Variants in ATP2B4 observed in about 807,000 individuals in gnomAD.
The protein encoded by ATP2B4 is plasma membrane calcium-transporting ATPase 4.
ATP2B4 carries 39 observed loss-of-function variants against 110.3 expected under a neutral mutation model. The observed-to-expected ratio is 0.35, with a 90% confidence interval of 0.27 to 0.46. The LOEUF (loss-of-function observed/expected upper bound fraction) is 0.46, where lower values mean the gene tolerates loss of function less well. Ranked by LOEUF, ATP2B4 falls within the 20% of genes least tolerant of loss-of-function variation. The pLI, the probability that ATP2B4 is intolerant of heterozygous loss-of-function variation, is 1.00. For synonymous variants in ATP2B4, 538 were observed against 571.7 expected (o/e 0.94, Z 0.84); for missense variants, 1,135 against 1,530.9 (o/e 0.74, Z 4.32).
intron 1 of ATP2B4, among the ~76,000 whole-genome samples, chr1:203,675,551 A>C (rs1482292223): frequency 6.6e-6 from 1 of 152,190 alleles, no homozygotes; most frequent in Non-Finnish European, 1.5e-5. Flanking sequence ...ACCAAAAAGC[A>C]CCAAGTGATT....
chr1:203,741,714 CT>C lies in ATP2B4; in HGVS notation c.*1861del, dbSNP rs1666999603. 6.6e-6 allele frequency: 1 copy of C among 152,582 alleles called. No homozygotes were observed. The highest frequency in any genetic ancestry group is 1.5e-5 in the Non-Finnish European group (1 of 68,042). The allele number at this position is 152,582 out of a possible 1,614,324, so 9.5% of individuals were successfully genotyped here. A position where few individuals can be genotyped will look rare whatever the true frequency, so the allele number is the denominator to read the frequency against. On this transcript the variant is annotated 3_prime_UTR_variant, in exon 21 of 21. Transcript: ENST00000357681. ...CAATGTCCCCTACATATCCCCATGA[CT>C]ACATAATCCATCATCGTAGGAAATA... is the stretch of plus-strand genomic sequence containing the variant.
intron 1 of ATP2B4, among the ~76,000 whole-genome samples, chr1:203,647,392 C>T (rs955263104): frequency 8.6e-5 from 13 of 151,832 alleles, no homozygotes; most frequent in Non-Finnish European, 1.3e-4. Context: ...GCTCTGATTG[C>T]ACCACTGCGC....
chr1:203,680,573 C>T (rs1469268875), intron 1 of ATP2B4, among the ~76,000 whole-genome samples: 2 of 141,294 alleles, frequency 1.4e-5, no homozygotes, highest in African/African-American at 5.3e-5. Context: ...CGCGCCACTG[C>T]ACTCCAGCCT....
chr1:203,740,464 T>C lies in ATP2B4; in HGVS notation c.*610T>C, dbSNP rs1666976462. 1 of 147,720 alleles carries C rather than the reference T, an allele frequency of 6.8e-6. No individual in the cohort carries two copies. The highest frequency in any genetic ancestry group is 2.5e-5 in the African/African-American group (1 of 39,806). The allele number at this position is 147,720 out of a possible 1,614,324, so 9.2% of individuals were successfully genotyped here. On this transcript the variant is annotated 3_prime_UTR_variant, in exon 21 of 21. Transcript: ENST00000357681. The stretch of plus-strand genomic sequence containing the variant: ...TCCTTTTTTTTTTTTTTTTTTATGA[T>C]GATTAAGAAAATGGAAAGGATATGG...
At chr1:203,677,884 C>A (rs113802094) in intron 1 of ATP2B4, among the ~76,000 whole-genome samples, 2 of 152,382 alleles carry the variant, frequency 1.3e-5, no homozygotes, top group African/African-American at 4.8e-5. Flanking sequence ...GCTGGCACCC[C>A]TGCCAGAGTA....
chr1:203,651,370 A>G (rs1368610959), intron 1 of ATP2B4, among the ~76,000 whole-genome samples: 2 of 151,980 alleles, frequency 1.3e-5, no homozygotes, highest in Non-Finnish European at 2.9e-5. Flanking sequence ...TTATTTATAT[A>G]TGCTATTAAT....
intron 2 of ATP2B4, among the ~76,000 whole-genome samples, chr1:203,683,666 C>CTTTTTTTTTTTTTTTTT (rs11326748): frequency 7.7e-5 from 6 of 77,696 alleles, no homozygotes; most frequent in Non-Finnish European, 1.2e-4. Context: ...TCTTTTGTTT[C>CTTTTTTTTTTTTTTTTT]TTTTTTTTTT....
intron 20 of ATP2B4, chr1:203,729,674 C>G (rs760127768): frequency 7.9e-7 from 1 of 1,270,534 alleles, no homozygotes; most frequent in Non-Finnish European, 1.1e-6. Context: ...CCTCACCTAT[C>G]CAGGGCGATG....
chr1:203,660,097 A>AGAAAGAAAGAAAG (rs764669362), intron 1 of ATP2B4, among the ~76,000 whole-genome samples: 12 of 120,654 alleles, frequency 9.9e-5, no homozygotes, highest in African/African-American at 3.1e-4. Context: ...AAAAAAAAAA[A>AGAAAGAAAGAAAG]AAAGAAAGAA....
chr1:203,660,754 G>A (rs905746491), intron 1 of ATP2B4, among the ~76,000 whole-genome samples: 5 of 151,952 alleles, frequency 3.3e-5, no homozygotes, highest in Non-Finnish European at 4.4e-5. Context: ...AGCCAAGATC[G>A]CACCACTGCA....
At chr1:203,730,644 T>C (rs75291919) in intron 20 of ATP2B4, among the ~76,000 whole-genome samples, 2,233 of 152,330 alleles carry the variant, frequency 0.015, 49 homozygotes, top group African/African-American at 0.05. Flanking sequence ...GGCTGAGATT[T>C]ATGGGTCTTC....
At chr1:203,700,415 ACT>A in intron 5 of ATP2B4, 84 bp downstream of exon 5, 2 of 1,496,896 alleles carry the variant, frequency 1.3e-6, no homozygotes, top group Non-Finnish European at 1.8e-6. Context: ...CTCTCCTCTG[ACT>A]CTGTCCCATC....
intron 1 of ATP2B4, among the ~76,000 whole-genome samples, chr1:203,663,102 T>C (rs1011053148): frequency 1.3e-5 from 2 of 152,176 alleles, no homozygotes; most frequent in South Asian, 4.1e-4. Context: ...TTTTGTTTCC[T>C]GTTTATATTT....
chr1:203,732,702 G>C lies in ATP2B4; in HGVS notation c.3309+5131G>C, dbSNP rs555137932. 7.9e-5 allele frequency among the ~76,000 whole-genome samples: 12 copies of C among 151,876 alleles called. No homozygotes were observed. In the South Asian group the frequency reaches 2.3e-3, roughly 29 times the overall value. ...TAATTTGCCTTCAGAATCTTCAATT[G>C]TTTGCCTTATTTTTAAGAGTACAGG... On this transcript the variant is annotated intron_variant, in intron 20 of 20. Coordinates refer to ENST00000357681, the MANE Select transcript of ATP2B4 (RefSeq NM_001684.5).
At position 203,716,454 on chromosome 1, in the gene ATP2B4, A is replaced by G. The variant is rs1172916336; in HGVS notation, c.2406+2177A>G. ...GCACATACCAAAATTCCAGACTCCC[A>G]AAAGGAAAGCAAATGTTCAATGTAA... On this transcript the variant is annotated intron_variant, in intron 15 of 20. Transcript: ENST00000357681. Among the ~76,000 whole-genome samples the G allele has an allele frequency of 2.8e-5, 4 of 145,292 alleles. 2 individuals are homozygous for G. The East Asian group carries it at 8.3e-4, about 30-fold the overall frequency.
At chr1:203,707,725 C>G (rs2102396324) in intron 9 of ATP2B4, 137 bp from the exon 10 acceptor site, 1 of 1,218,890 alleles carries the variant, frequency 8.2e-7, no homozygotes, top group Non-Finnish European at 1.2e-6. Context: ...ATCACTGCAC[C>G]CAGTCAGTAT....
chr1:203,705,508 C>T (rs893682677), intron 8 of ATP2B4, among the ~76,000 whole-genome samples: 3 of 152,184 alleles, frequency 2.0e-5, no homozygotes, highest in Non-Finnish European at 2.9e-5. Flanking sequence ...AAGTGAGTCT[C>T]CCGAGTAGCT....
intron 2 of ATP2B4, among the ~76,000 whole-genome samples, chr1:203,691,572 T>C (rs1406542686): frequency 6.6e-6 from 1 of 152,178 alleles, no homozygotes; most frequent in East Asian, 1.9e-4. Context: ...GCGGCCCACC[T>C]TGGGAAGGGT....
chr1:203,683,410 A>T lies in ATP2B4; in HGVS notation c.193+12A>T. ...CTCCCCTGTGGAAGGTAAAGGCCAT[A>T]TCAGGGGTGGGGAGTTGGAGGAAGG... On this transcript the variant is annotated intron_variant, in intron 2 of 20. Coordinates refer to ENST00000357681, the MANE Select transcript of ATP2B4 (RefSeq NM_001684.5). 6.3e-7 allele frequency: 1 copy of T among 1,589,260 alleles called. No individual in the cohort carries two copies.
Sources: allele counts gnomAD v4.1 joint callset (sites outside exome capture counted in the v4.1 genomes callset), GRCh38; gene constraint gnomAD v4.1.1; transcripts MANE v1.5; gene names NCBI Gene and HGNC (gene_info 2026-07-23, HGNC 2026-07-21).